SDK1: variants seen among roughly 807,000 people sequenced by gnomAD.
SDK1 encodes the protein protein sidekick-1.
SDK1 carries 157 observed loss-of-function variants against 245.5 expected under a neutral mutation model. That is an observed-to-expected ratio of 0.64 (90% CI 0.56 to 0.73). The LOEUF is 0.73. Ranked by LOEUF, SDK1 falls within the 30% of genes least tolerant of loss-of-function variation. The pLI, the probability that SDK1 is intolerant of heterozygous loss-of-function variation, is 0.00. For missense variants in SDK1, 3,583 were observed against 3,002.3 expected (o/e 1.19, Z -4.52); for synonymous variants, 1,647 against 1,278.5 (o/e 1.29, Z -6.15).
At chr7:3,807,109 C>G (rs1779269573) in intron 4 of SDK1, among the ~76,000 whole-genome samples, 1 of 152,020 alleles carries the variant, frequency 6.6e-6, no homozygotes, top group African/African-American at 2.4e-5. Context: ...TGGGAAAGTC[C>G]AAAGTTCTTA....
intron 1 of SDK1, among the ~76,000 whole-genome samples, chr7:3,480,694 C>T (rs1437396685): frequency 1.3e-5 from 2 of 152,202 alleles, no homozygotes; most frequent in African/African-American, 4.8e-5. Flanking sequence ...GGATTGTAGT[C>T]CCCTGCTATT....
At chr7:4,120,957 TG>T (rs1363024709) in intron 25 of SDK1, among the ~76,000 whole-genome samples, 6 of 151,098 alleles carry the variant, frequency 4.0e-5, no homozygotes, top group Non-Finnish European at 7.4e-5. Flanking sequence ...AAGAAACCTA[TG>T]GCAAAACTGC....
At chr7:3,728,723 A>G (rs1378928344) in intron 4 of SDK1, among the ~76,000 whole-genome samples, 1 of 152,150 alleles carries the variant, frequency 6.6e-6, no homozygotes, top group East Asian at 1.9e-4. Flanking sequence ...CTCCTGCCTC[A>G]GCCTCCCAAG....
intron 1 of SDK1, among the ~76,000 whole-genome samples, chr7:3,321,835 T>TTCTC (rs560246031): frequency 2.4e-4 from 29 of 121,694 alleles, no homozygotes; most frequent in Non-Finnish European, 4.2e-4. Context: ...CTTCCTCCTT[T>TTCTC]TCTCTCTCTC....
chr7:3,883,468 C>T (rs1583509847), intron 5 of SDK1, among the ~76,000 whole-genome samples: 3 of 152,184 alleles, frequency 2.0e-5, no homozygotes, highest in South Asian at 2.1e-4. Context: ...TGTATGTGTG[C>T]GGCCCTTCAT....
chr7:4,132,970 G>A (rs577027548), intron 28 of SDK1, among the ~76,000 whole-genome samples: 27 of 152,210 alleles, frequency 1.8e-4, no homozygotes, highest in African/African-American at 6.0e-4. Flanking sequence ...ATTCGTTTGC[G>A]GCTCATGGCG....
intron 1 of SDK1, among the ~76,000 whole-genome samples, chr7:3,346,348 G>A (rs772960175): frequency 1.3e-4 from 20 of 152,112 alleles, no homozygotes; most frequent in African/African-American, 3.9e-4. Context: ...GTGAGCCTCC[G>A]TGCAAGGCTG....
chr7:3,547,224 T>C (rs1438542713), intron 1 of SDK1, among the ~76,000 whole-genome samples: 1 of 152,226 alleles, frequency 6.6e-6, no homozygotes, highest in Admixed American at 6.5e-5. Flanking sequence ...TTAAGTGCTT[T>C]GATAGCCACA....
Position 4,079,520 on chromosome 7 carries a change from C to T in SDK1, c.3260C>T (p.Thr1087Ile), listed in dbSNP as rs1036243823. 4 of 1,614,156 alleles carry T rather than the reference C, an allele frequency of 2.5e-6. No homozygotes were observed. The African/African-American group carries it at 5.3e-5, about 22-fold the overall frequency. Reference protein sequence around the residue: ...VISNISPRSATLQFRPGYDGK... With the variant: ...VISNISPRSAILQFRPGYDGK... ...TCCAACATCAGCCCTCGCTCCGCCA[C>T]CCTTCAGTTCCGGCCAGGCTATGAC... is the stretch of plus-strand genomic sequence containing the variant. Residue 1087 changes from threonine to isoleucine, a missense_variant, in exon 22 of 45, where the codon ACC (threonine) becomes ATC (isoleucine). Physicochemically the swap from Thr to Ile is moderately conservative, Grantham distance 89 (BLOSUM62 -1). Coordinates refer to ENST00000404826, the MANE Select transcript of SDK1 (RefSeq NM_152744.4).
At chr7:3,484,373 A>G (rs1022877678) in intron 1 of SDK1, among the ~76,000 whole-genome samples, 1 of 152,164 alleles carries the variant, frequency 6.6e-6, no homozygotes, top group African/African-American at 2.4e-5. Flanking sequence ...CTTGTTGAAT[A>G]TGAGGTTCCA....
intron 5 of SDK1, among the ~76,000 whole-genome samples, chr7:3,844,051 A>C (rs543973248): frequency 1.3e-5 from 2 of 151,734 alleles, no homozygotes; most frequent in African/African-American, 2.4e-5. Flanking sequence ...ACTCACTGCA[A>C]CCTCCACCTC....
intron 5 of SDK1, among the ~76,000 whole-genome samples, chr7:3,916,386 C>T (rs12701277): frequency 0.18 from 26,890 of 152,184 alleles, 2,619 homozygotes; most frequent in Admixed American, 0.25. Flanking sequence ...ACTCAGTTCC[C>T]AGCCCTAACT....
chr7:3,834,020 T>G (rs571272684), intron 5 of SDK1, among the ~76,000 whole-genome samples: 4 of 152,200 alleles, frequency 2.6e-5, no homozygotes, highest in Non-Finnish European at 5.9e-5. Flanking sequence ...GGAAGGATAC[T>G]GAGGGATGCA....
At chr7:4,121,762 T>C (rs2128194531) in intron 25 of SDK1, among the ~76,000 whole-genome samples, 1 of 152,330 alleles carries the variant, frequency 6.6e-6, no homozygotes, top group African/African-American at 2.4e-5. Context: ...AGAGTAGGAA[T>C]TGTTCTTGCA....
At chr7:3,384,535 T>A (rs1010632870) in intron 1 of SDK1, among the ~76,000 whole-genome samples, 2 of 152,216 alleles carry the variant, frequency 1.3e-5, no homozygotes, top group East Asian at 3.8e-4. Flanking sequence ...TCTAACCCAG[T>A]GTTTCCCAAG....
At chr7:4,101,329 G>C (rs994613682) in intron 22 of SDK1, among the ~76,000 whole-genome samples, 2 of 152,088 alleles carry the variant, frequency 1.3e-5, no homozygotes, top group African/African-American at 4.8e-5. Flanking sequence ...TGTGTTTTTA[G>C]TAGAGACGGG....
At chr7:4,179,702 T>C (rs780796704) in intron 35 of SDK1, among the ~76,000 whole-genome samples, 2 of 151,564 alleles carry the variant, frequency 1.3e-5, no homozygotes, top group Admixed American at 6.6e-5. Flanking sequence ...GAGGAGCCCA[T>C]TGAGGGCCAT....
At chr7:3,948,005 T>C (rs753952130) in intron 5 of SDK1, among the ~76,000 whole-genome samples, 6 of 152,200 alleles carry the variant, frequency 3.9e-5, no homozygotes, top group Admixed American at 6.5e-5. Context: ...TGAATTTGAT[T>C]GAAATTTAAA....
intron 17 of SDK1, among the ~76,000 whole-genome samples, chr7:4,041,677 C>T (rs1413029776): frequency 1.1e-5 from 1 of 91,926 alleles, no homozygotes; most frequent in Non-Finnish European, 2.0e-5. Context: ...TCCAAAATGT[C>T]ATATGTAGTT....
Sources: gnomAD v4.1 joint callset for allele counts (sites outside exome capture counted in the v4.1 genomes callset) on GRCh38, gnomAD v4.1.1 for gene constraint, MANE v1.5 for transcripts, NCBI Gene and HGNC (gene_info 2026-07-23, HGNC 2026-07-21) for gene names.